The following DCLK1 variants were observed in gnomAD, a reference collection of about 807,000 sequenced individuals.
DCLK1 encodes doublecortin like kinase 1, also known as serine/threonine-protein kinase DCLK1.
DCLK1 carries 16 observed loss-of-function variants against 86.2 expected under a neutral mutation model. The ratio of observed to expected loss-of-function variants is 0.19; its 90% CI spans 0.13 to 0.28. DCLK1 has a LOEUF of 0.28. DCLK1 is among the 10% of genes least tolerant of loss of function. DCLK1 has a pLI of 1.00. For missense variants in DCLK1, 590 were observed against 940.2 expected (o/e 0.63, Z 4.87); for synonymous variants, 369 against 370.5 (o/e 1.00, Z 0.05).
chr13:35,855,573 C>T (rs1415475301), intron 5 of DCLK1: 13 of 1,587,846 alleles, frequency 8.2e-6, no homozygotes, highest in South Asian at 2.3e-5. Context: ...GGCGGAATCC[C>T]GTCTCAGCAC....
chr13:35,801,918 C>T (rs138425239), intron 15 of DCLK1, among the ~76,000 whole-genome samples: 1 of 152,254 alleles, frequency 6.6e-6, no homozygotes, highest in East Asian at 1.9e-4. Context: ...CTCACATTTA[C>T]AAAGTTATCT....
At chr13:35,886,745 A>G (rs1873289943) in intron 4 of DCLK1, among the ~76,000 whole-genome samples, 1 of 152,206 alleles carries the variant, frequency 6.6e-6, no homozygotes, top group Admixed American at 6.5e-5. Flanking sequence ...ACATGTTAGG[A>G]CAGCTTTTGT....
chr13:35,809,146 A>G (rs1337413004), intron 12 of DCLK1, 51 bp from the exon 13 acceptor site: 1 of 1,473,784 alleles, frequency 6.8e-7, no homozygotes, highest in Non-Finnish European at 9.3e-7. Context: ...CGGACAAATT[A>G]TGCAGCTTGG....
At chr13:35,941,286 G>A (rs1222590403) in intron 4 of DCLK1, among the ~76,000 whole-genome samples, 1 of 152,172 alleles carries the variant, frequency 6.6e-6, no homozygotes, top group Admixed American at 6.5e-5. Flanking sequence ...ATTAGGGAAA[G>A]TGATCAGAAC....
At position 35,771,030 on chromosome 13, in the gene DCLK1, G is replaced by C. The variant is rs764101570; in HGVS notation, c.*3505C>G. 4 of 152,148 alleles carry C rather than the reference G, an allele frequency of 2.6e-5. No individual in the cohort carries two copies. The highest frequency in any genetic ancestry group is 5.9e-5 in the Non-Finnish European group (4 of 68,020). 9.4% of individuals were successfully genotyped at this position (152,148 alleles called of 1,614,324 possible). The stretch of plus-strand genomic sequence containing the variant: ...GCTAAGAGCAACACAGTAATATTAA[G>C]AAAGCTCTCCCTCAGCACGATTGAG... On this transcript the variant is annotated 3_prime_UTR_variant, in exon 17 of 17. Transcript: ENST00000360631.
chr13:36,041,135 A>G (rs1335956108), intron 3 of DCLK1, among the ~76,000 whole-genome samples: 2 of 152,186 alleles, frequency 1.3e-5, no homozygotes, highest in Non-Finnish European at 2.9e-5. Flanking sequence ...CAGTTGATAG[A>G]GCAAAGAAAT....
rs115505820 is a variant in DCLK1 at position 36,046,351 on chromosome 13, G to A, written c.723+65518C>T. Among the ~76,000 whole-genome samples, 709 of 152,254 alleles carry A rather than the reference G, an allele frequency of 4.7e-3. 4 individuals are homozygous for A. Among genetic ancestry groups the A allele is most frequent in the African/African-American group, 0.015 (619 of 41,540 alleles). ...AAACTAACACACACAGCTAAACAGC[G>A]CCTGAACAGTAACAATTTTATGACT... On this transcript the variant is annotated intron_variant, in intron 3 of 16. Coordinates refer to ENST00000360631, the MANE Select transcript of DCLK1 (RefSeq NM_001330071.2).
chr13:35,972,192 T>C (rs1879097638), intron 3 of DCLK1, among the ~76,000 whole-genome samples: 1 of 152,194 alleles, frequency 6.6e-6, no homozygotes, highest in South Asian at 2.1e-4. Context: ...TCTGAGGTCC[T>C]TTCTGTGGCT....
At position 35,821,663 on chromosome 13, in the gene DCLK1, TAA is replaced by T. The variant is rs548346501; in HGVS notation, c.1554+1064_1554+1065del. ...GCATCTTTGGGAAAAGATATATATA[TAA>T]ATATATGTATATATATATATATATA... On this transcript the variant is annotated intron_variant, in intron 11 of 16. Transcript: ENST00000360631. Among the ~76,000 whole-genome samples the T allele has an allele frequency of 7.3e-3, 800 of 109,230 alleles. 11 individuals carry two copies. Among genetic ancestry groups the T allele is most frequent in the African/African-American group, 0.035 (682 of 19,294 alleles). 71.7% of individuals were successfully genotyped at this position (109,230 alleles called of 152,430 possible).
chr13:35,898,524 C>A (rs1194169700), intron 4 of DCLK1, among the ~76,000 whole-genome samples: 1 of 152,184 alleles, frequency 6.6e-6, no homozygotes, highest in Non-Finnish European at 1.5e-5. Context: ...TACGATCTCA[C>A]CATTTAGGCA....
chr13:35,853,953 A>G (rs1031159394), intron 6 of DCLK1, among the ~76,000 whole-genome samples: 4 of 152,078 alleles, frequency 2.6e-5, no homozygotes, highest in Admixed American at 6.5e-5. Flanking sequence ...GTTTCCAGTA[A>G]CTTTTTCACT....
At chr13:35,922,415 A>C (rs902171008) in intron 4 of DCLK1, among the ~76,000 whole-genome samples, 1 of 152,194 alleles carries the variant, frequency 6.6e-6, no homozygotes, top group Non-Finnish European at 1.5e-5. Context: ...CTACGCATGC[A>C]GCAGATGATC....
At chr13:35,839,571 A>G (rs1161468566) in intron 6 of DCLK1, among the ~76,000 whole-genome samples, 1 of 151,950 alleles carries the variant, frequency 6.6e-6, no homozygotes, top group Non-Finnish European at 1.5e-5. Context: ...TATTTTTTCT[A>G]TTTTTCTGAC....
At chr13:36,102,527 C>T (rs1418587467) in intron 3 of DCLK1, among the ~76,000 whole-genome samples, 1 of 152,186 alleles carries the variant, frequency 6.6e-6, no homozygotes, top group African/African-American at 2.4e-5. Context: ...ACAAACAGTT[C>T]TAAGGCAAAG....
intron 3 of DCLK1, among the ~76,000 whole-genome samples, chr13:35,966,223 T>C (rs1415016624): frequency 2.6e-5 from 4 of 152,170 alleles, no homozygotes; most frequent in Non-Finnish European, 5.9e-5. Flanking sequence ...GAAAACAGCA[T>C]GCTGATTTCT....
intron 13 of DCLK1, 40 bp downstream of exon 13, chr13:35,808,978 A>C: frequency 1.3e-6 from 2 of 1,578,628 alleles, no homozygotes; most frequent in Non-Finnish European, 1.7e-6. Flanking sequence ...AGAGTAGAGA[A>C]ATGCTTTGTC....
At chr13:35,954,466 G>A (rs1877871383) in intron 3 of DCLK1, among the ~76,000 whole-genome samples, 1 of 152,094 alleles carries the variant, frequency 6.6e-6, no homozygotes, top group Non-Finnish European at 1.5e-5. Context: ...GTCAACCACT[G>A]TGAATTTTTC....
intron 4 of DCLK1, among the ~76,000 whole-genome samples, chr13:35,930,611 C>T (rs762933392): frequency 1.3e-5 from 2 of 150,456 alleles, no homozygotes; most frequent in Admixed American, 6.6e-5. Flanking sequence ...AACAAACAAA[C>T]AAACAAAAAC....
rs139868461 is a variant in DCLK1, at chr13:35,912,027, G to A, written c.823+35331C>T. ...AATAAGGACCACTGTACCTTCCTTC[G>A]GGGTGGCTGTGAGAATTAAATGGAA... On this transcript the variant is annotated intron_variant, in intron 4 of 16. Coordinates refer to ENST00000360631, the MANE Select transcript of DCLK1 (RefSeq NM_001330071.2). Among the ~76,000 whole-genome samples, 1,307 of 152,190 alleles carry A rather than the reference G, an allele frequency of 8.6e-3. 9 individuals are homozygous for A. The highest frequency in any genetic ancestry group is 0.012 in the Admixed American group (190 of 15,296).
Sources: gnomAD v4.1 joint callset for allele counts (sites outside exome capture counted in the v4.1 genomes callset) on GRCh38, gnomAD v4.1.1 for gene constraint, MANE v1.5 for transcripts, NCBI Gene and HGNC (gene_info 2026-07-23, HGNC 2026-07-21) for gene names.